GSE1: variants seen among roughly 807,000 people sequenced by gnomAD.
The protein encoded by GSE1 is Gse1 coiled-coil protein.
GSE1 carries 32 observed loss-of-function variants against 112.6 expected under a neutral mutation model. The ratio of observed to expected loss-of-function variants is 0.28; its 90% CI spans 0.21 to 0.38. The LOEUF is 0.38. GSE1 is among the 10% of genes least tolerant of loss of function. The pLI, the probability that GSE1 is intolerant of heterozygous loss-of-function variation, is 1.00. For synonymous variants in GSE1, 1,115 were observed against 735.6 expected (o/e 1.52, Z -8.35); for missense variants, 2,348 against 1,699.2 (o/e 1.38, Z -6.71).
At chr16:85,527,765 C>T (rs1333313501) in intron 2 of GSE1, among the ~76,000 whole-genome samples, 1 of 152,196 alleles carries the variant, frequency 6.6e-6, no homozygotes, top group Non-Finnish European at 1.5e-5. Context: ...CACCGATGGA[C>T]GTGGACAGCT....
chr16:85,189,409 T>G (rs1011359105), intron 1 of GSE1, among the ~76,000 whole-genome samples: 1 of 152,222 alleles, frequency 6.6e-6, no homozygotes, highest in African/African-American at 2.4e-5. Context: ...TTGTACACAG[T>G]GATTCCTTGC....
intron 1 of GSE1, among the ~76,000 whole-genome samples, chr16:85,212,912 G>A (rs902056509): frequency 6.6e-6 from 1 of 152,156 alleles, no homozygotes; most frequent in African/African-American, 2.4e-5. Flanking sequence ...AAGATCGCTC[G>A]AGCCCAGGAG....
chr16:85,622,621 G>C (rs1440661230), intron 1 of GSE1, among the ~76,000 whole-genome samples: 2 of 152,206 alleles, frequency 1.3e-5, no homozygotes, highest in Non-Finnish European at 2.9e-5. Context: ...CCGCCACTTT[G>C]AACCATCTTG....
chr16:85,544,656 T>C (rs2044635785), intron 2 of GSE1, among the ~76,000 whole-genome samples: 1 of 152,202 alleles, frequency 6.6e-6, no homozygotes, highest in African/African-American at 2.4e-5. Flanking sequence ...TACATGGACC[T>C]GAACCAGTTA....
intron 1 of GSE1, chr16:85,595,857 C>T: frequency 7.4e-6 from 1 of 135,108 alleles, no homozygotes; most frequent in African/African-American, 2.7e-5. Flanking sequence ...CACATCCATC[C>T]ACCCACCCAC....
intron 2 of GSE1, among the ~76,000 whole-genome samples, chr16:85,461,281 C>T (rs2151823456): frequency 6.6e-6 from 1 of 152,330 alleles, no homozygotes; most frequent in South Asian, 2.1e-4. Flanking sequence ...CAGGTGCCAG[C>T]AGCGCTGTGA....
chr16:85,569,957 C>A (rs1220025925), intron 1 of GSE1, among the ~76,000 whole-genome samples: 1 of 152,152 alleles, frequency 6.6e-6, no homozygotes, highest in African/African-American at 2.4e-5. Flanking sequence ...GTGGGGGTTT[C>A]AATCCCCGCC....
intron 1 of GSE1, among the ~76,000 whole-genome samples, chr16:85,571,550 G>T (rs1188746544): frequency 3.3e-5 from 5 of 152,180 alleles, no homozygotes; most frequent in Non-Finnish European, 7.3e-5. Context: ...AGCGATACTG[G>T]CACGGGCCTG....
intron 1 of GSE1, among the ~76,000 whole-genome samples, chr16:85,295,895 G>A (rs527654876): frequency 3.3e-5 from 5 of 151,648 alleles, no homozygotes; most frequent in Admixed American, 2.6e-4. Flanking sequence ...GTGAGCCACC[G>A]CACCCAGCCT....
At chr16:85,642,285 T>G (rs1193174843) in intron 2 of GSE1, among the ~76,000 whole-genome samples, 2 of 152,256 alleles carry the variant, frequency 1.3e-5, no homozygotes, top group African/African-American at 4.8e-5. Context: ...CACTCCAGCC[T>G]GGGTGACAGA....
chr16:85,584,391 C>T (rs928365736), intron 1 of GSE1, among the ~76,000 whole-genome samples: 1 of 152,202 alleles, frequency 6.6e-6, no homozygotes, highest in Non-Finnish European at 1.5e-5. Context: ...GAGCACACCC[C>T]GCCTTCCCTC....
intron 1 of GSE1, among the ~76,000 whole-genome samples, chr16:85,172,406 C>T (rs2074375294): frequency 4.6e-5 from 7 of 152,186 alleles, no homozygotes; most frequent in Admixed American, 4.6e-4. Context: ...ACTTTTCCCC[C>T]AGCGGGAAGA....
chr16:85,295,413 CTGAG>C (rs1157031204), intron 1 of GSE1, among the ~76,000 whole-genome samples: 7 of 152,272 alleles, frequency 4.6e-5, no homozygotes, highest in Non-Finnish European at 8.8e-5. Context: ...CCTTTTATGG[CTGAG>C]TGATTATTCC....
intron 1 of GSE1, among the ~76,000 whole-genome samples, chr16:85,305,753 G>A (rs2045661284): frequency 6.6e-6 from 1 of 152,154 alleles, no homozygotes; most frequent in African/African-American, 2.4e-5. Flanking sequence ...CGGGATTACA[G>A]GCGTGAGTCA....
chr16:85,649,587 G>A (rs548952898), intron 3 of GSE1, among the ~76,000 whole-genome samples: 15 of 152,220 alleles, frequency 9.9e-5, no homozygotes, highest in South Asian at 4.1e-4. Flanking sequence ...CTCTTCTGCC[G>A]CTGCCTGGGG....
Position 85,648,880 on chromosome 16 carries a change from T to C in GSE1, c.426+129T>C, listed in dbSNP as rs925242127. ...GACACCCCCTCCCCCACCCTGAGTT[T>C]CCGTCTCCTTCTCTGCAACGTGAGG... On this transcript the variant is annotated intron_variant, in intron 3 of 15. Transcript: ENST00000253458. The C allele has an allele frequency of 5.2e-5, 28 of 536,084 alleles. No individual in the cohort carries two copies. The African/African-American group carries it at 5.3e-4, about 10-fold the overall frequency. 33.2% of individuals were successfully genotyped at this position (536,084 alleles called of 1,614,324 possible).
chr16:85,274,057 A>T (rs1002679884), intron 1 of GSE1, among the ~76,000 whole-genome samples: 1 of 151,594 alleles, frequency 6.6e-6, no homozygotes, highest in African/African-American at 2.4e-5. Context: ...TGGCTGCACA[A>T]CATTGGGAAT....
At chr16:85,253,217 G>A (rs1437362891) in intron 1 of GSE1, among the ~76,000 whole-genome samples, 6 of 152,270 alleles carry the variant, frequency 3.9e-5, no homozygotes, top group Non-Finnish European at 5.9e-5. Flanking sequence ...CTGCCTCGCC[G>A]CCGGCGACTC....
chr16:85,340,513 C>T (rs1191525917), intron 1 of GSE1, among the ~76,000 whole-genome samples: 2 of 152,154 alleles, frequency 1.3e-5, no homozygotes, highest in South Asian at 4.2e-4. Flanking sequence ...TGGTAGTGCA[C>T]ACCTGTAATC....
Sources: allele counts gnomAD v4.1 joint callset (sites outside exome capture counted in the v4.1 genomes callset), GRCh38; gene constraint gnomAD v4.1.1; transcripts MANE v1.5; gene names NCBI Gene and HGNC (gene_info 2026-07-23, HGNC 2026-07-21).